The following NEMP2 variants were observed in gnomAD, a reference collection of about 807,000 sequenced individuals.
NEMP2 encodes the protein UPF0571 transmembrane protein.
In NEMP2, 53 loss-of-function variants were observed where a neutral mutation model predicts 54.2. The observed-to-expected ratio is 0.98, with a 90% CI of 0.78 to 1.23. NEMP2 has a LOEUF of 1.23. NEMP2 is among the 50% of genes most tolerant of loss of function. The pLI, the probability that NEMP2 is intolerant of heterozygous loss-of-function variation, is 0.00. For synonymous variants in NEMP2, 197 were observed against 190.3 expected (o/e 1.04, Z -0.29); for missense variants, 455 against 511.3 (o/e 0.89, Z 1.06).
the NEMP2 span, among the ~76,000 whole-genome samples, chr2:190,565,801 A>G: frequency 6.6e-6 from 1 of 152,246 alleles, no homozygotes; most frequent in Non-Finnish European, 1.5e-5. Context: ...AAACAAAGCC[A>G]TTAGGATAGG....
the NEMP2 span, chr2:190,648,289 TC>T: frequency 2.0e-5 from 3 of 152,256 alleles, no homozygotes; most frequent in Non-Finnish European, 4.4e-5. Context: ...CCTCCTCCCG[TC>T]CCAACGCCAG....
At position 190,531,441 on chromosome 2, in the gene NEMP2, A is replaced by AC; in HGVS notation, c.97+3117_97+3118insG. 1.3e-5 allele frequency among the ~76,000 whole-genome samples: 2 copies of AC among 152,218 alleles called. No individual in the cohort carries two copies. Among genetic ancestry groups the AC allele is most frequent in the Admixed American group, 1.3e-4 (2 of 15,280 alleles). On this transcript the variant is annotated intron_variant, in intron 1 of 8. Coordinates refer to ENST00000409150, the MANE Select transcript of NEMP2 (RefSeq NM_001142645.2). This position sits in a 1 kb window ranked among gnomAD's most constrained non-coding sequence, Gnocchi z 4.7. The stretch of plus-strand genomic sequence containing the variant: ...GCATCATTTTCCTTAACTTCTTGCA[A>AC]TCCTCAGCAGGCTCTTTGATGCTTT...
At chr2:190,604,147 T>A in the NEMP2 span, among the ~76,000 whole-genome samples, 4 of 152,226 alleles carry the variant, frequency 2.6e-5, no homozygotes, top group Non-Finnish European at 5.9e-5. The surrounding 1 kb of genome is among the most constrained non-coding windows in gnomAD (Gnocchi z 4.5). Flanking sequence ...GATAGGTGCC[T>A]CCTTCCTTCT....
chr2:190,623,065 A>G, the NEMP2 span, among the ~76,000 whole-genome samples: 2 of 152,174 alleles, frequency 1.3e-5, no homozygotes, highest in Admixed American at 1.3e-4. Context: ...ATAAATCAAG[A>G]AAGCAATCCT....
chr2:190,428,039 C>T, the NEMP2 span, among the ~76,000 whole-genome samples: 4 of 152,150 alleles, frequency 2.6e-5, no homozygotes, highest in Admixed American at 6.5e-5. Context: ...GCCATGTCTA[C>T]CACTTTTAAT....
chr2:190,485,089 G>C, the NEMP2 span, among the ~76,000 whole-genome samples: 1 of 152,096 alleles, frequency 6.6e-6, no homozygotes, highest in Non-Finnish European at 1.5e-5. The surrounding 1 kb of genome is among the most constrained non-coding windows in gnomAD (Gnocchi z 5.1). Context: ...TCTAAGAATA[G>C]TTTAAAAGCA....
chr2:190,541,518 T>C, the NEMP2 span, among the ~76,000 whole-genome samples: 1 of 152,150 alleles, frequency 6.6e-6, no homozygotes, highest in South Asian at 2.1e-4. This position sits in a 1 kb window ranked among gnomAD's most constrained non-coding sequence, Gnocchi z 5.2. Flanking sequence ...TCTTAATTGG[T>C]CATTTGGAAG....
At chr2:190,579,630 C>G in the NEMP2 span, among the ~76,000 whole-genome samples, 1 of 152,124 alleles carries the variant, frequency 6.6e-6, no homozygotes, top group African/African-American at 2.4e-5. Flanking sequence ...ATGATTAGCA[C>G]CTTTATTGGG....
At chr2:190,451,742 G>C in the NEMP2 span, among the ~76,000 whole-genome samples, 1 of 152,232 alleles carries the variant, frequency 6.6e-6, no homozygotes, top group Non-Finnish European at 1.5e-5. This position sits in a 1 kb window ranked among gnomAD's most constrained non-coding sequence, Gnocchi z 5.0. Flanking sequence ...TGAATGGCCA[G>C]GGAGAGGGTA....
chr2:190,599,383 C>A, the NEMP2 span, among the ~76,000 whole-genome samples: 1 of 152,142 alleles, frequency 6.6e-6, no homozygotes, highest in Non-Finnish European at 1.5e-5. Flanking sequence ...GGATAGATGG[C>A]AGGCCTCGAG....
chr2:190,483,338 G>C, the NEMP2 span, among the ~76,000 whole-genome samples: 276 of 152,238 alleles, frequency 1.8e-3, 3 homozygotes, highest in African/African-American at 6.1e-3. Context: ...CCTAAGCTCT[G>C]AACTTGGACA....
the NEMP2 span, among the ~76,000 whole-genome samples, chr2:190,457,420 C>T: frequency 3.3e-5 from 5 of 152,196 alleles, no homozygotes; most frequent in Admixed American, 6.5e-5. The surrounding 1 kb of genome is among the most constrained non-coding windows in gnomAD (Gnocchi z 5.1). Context: ...CCCCCTACCC[C>T]CAGGACTCAG....
At chr2:190,582,774 T>C in the NEMP2 span, among the ~76,000 whole-genome samples, 1 of 152,196 alleles carries the variant, frequency 6.6e-6, no homozygotes, top group Non-Finnish European at 1.5e-5. The surrounding 1 kb of genome is among the most constrained non-coding windows in gnomAD (Gnocchi z 4.6). Flanking sequence ...TAAACCATGG[T>C]CACACAGTAT....
intron 4 of NEMP2, 54 bp from the exon 5 acceptor site, chr2:190,517,667 T>G: frequency 4.7e-6 from 6 of 1,280,846 alleles, no homozygotes; most frequent in Non-Finnish European, 5.5e-6. Flanking sequence ...ACTTTGAGTA[T>G]GAAAAACATG....
intron 1 of NEMP2, among the ~76,000 whole-genome samples, chr2:190,526,492 TAAA>T (rs1466195454): frequency 6.6e-6 from 1 of 152,096 alleles, no homozygotes; most frequent in Non-Finnish European, 1.5e-5. Context: ...TGTGCAATAT[TAAA>T]GAACAAAACT....
At chr2:190,500,179 T>C, downstream of NEMP2, 1 of 1,613,588 alleles carries the variant, frequency 6.2e-7, no homozygotes, top group East Asian at 2.2e-5. This position sits in a 1 kb window ranked among gnomAD's most constrained non-coding sequence, Gnocchi z 5.3. Flanking sequence ...CAGAGGAGAG[T>C]GAAGAGCAGC....
rs5837190 is a variant in NEMP2 at position 190,533,774 on chromosome 2, G to GAA, written c.97+783_97+784dup. 1.4e-4 allele frequency among the ~76,000 whole-genome samples: 21 copies of GAA among 148,134 alleles called. No homozygotes were observed. Among genetic ancestry groups the GAA allele is most frequent in the East Asian group, 5.9e-4 (3 of 5,086 alleles). ...AATCTTTTAAAAGATTTTATGAGGG[G>GAA]AAAAAAAAAAAGAAACAGAAATGTG... is the stretch of plus-strand genomic sequence containing the variant. On this transcript the variant is annotated intron_variant, in intron 1 of 8. Transcript: ENST00000409150. This position sits in a 1 kb window ranked among gnomAD's most constrained non-coding sequence, Gnocchi z 4.3.
chr2:190,466,420 C>A, the NEMP2 span, among the ~76,000 whole-genome samples: 1 of 152,196 alleles, frequency 6.6e-6, no homozygotes, highest in Admixed American at 6.5e-5. Context: ...TCTTTCTGCT[C>A]ACAATTTTAC....
At chr2:190,629,416 G>T in the NEMP2 span, among the ~76,000 whole-genome samples, 2 of 152,122 alleles carry the variant, frequency 1.3e-5, no homozygotes, top group Admixed American at 1.3e-4. Context: ...AGTTTGTAAG[G>T]AGTCCCTTAT....
Sources: gnomAD v4.1 joint callset for allele counts (sites outside exome capture counted in the v4.1 genomes callset) on GRCh38, gnomAD v4.1.1 for gene constraint, Gnocchi (gnomAD v3.1) non-coding constraint, MANE v1.5 for transcripts, NCBI Gene and HGNC (gene_info 2026-07-23, HGNC 2026-07-21) for gene names.